The following ARHGAP32 variants were observed in gnomAD, a reference collection of about 807,000 sequenced individuals.
ARHGAP32 encodes rho GTPase-activating protein 32.
Under a neutral mutation model 186.5 loss-of-function variants are expected in ARHGAP32, and 51 were observed. That is an observed-to-expected ratio of 0.27 (90% confidence interval 0.22 to 0.35). ARHGAP32 has a LOEUF of 0.35. Ranked by LOEUF, ARHGAP32 falls within the 10% of genes least tolerant of loss-of-function variation. The probability of loss-of-function intolerance (pLI) is 1.00; values close to 1 mark genes in which losing one functional copy is unlikely to be tolerated. For missense variants in ARHGAP32, 2,186 were observed against 2,623.5 expected (o/e 0.83, Z 3.64); for synonymous variants, 950 against 964.3 (o/e 0.99, Z 0.27).
chr11:129,137,782 G>T (rs1942967119), intron 2 of ARHGAP32, among the ~76,000 whole-genome samples: 1 of 152,066 alleles, frequency 6.6e-6, no homozygotes, highest in African/African-American at 2.4e-5. Flanking sequence ...ACAGTCACAT[G>T]CAGATGATGT....
intron 9 of ARHGAP32, 148 bp from the exon 10 acceptor site, chr11:129,062,505 T>A (rs936330675): frequency 5.4e-6 from 3 of 560,164 alleles, no homozygotes; most frequent in Admixed American, 3.6e-5. Flanking sequence ...CATTTCTTTT[T>A]AAAAATCATT....
chr11:129,038,426 A>G lies in ARHGAP32; in HGVS notation c.1045+2502T>C, dbSNP rs183315801. 3.4e-3 allele frequency among the ~76,000 whole-genome samples: 515 copies of G among 152,164 alleles called. 4 individuals carry two copies. The highest frequency in any genetic ancestry group is 6.1e-3 in the Non-Finnish European group (417 of 68,022). On this transcript the variant is annotated intron_variant, in intron 11 of 22. Coordinates refer to ENST00000682385, the MANE Select transcript of ARHGAP32 (RefSeq NM_001378024.1). ...TGGGTTAGCCAAAGCCTTCTTAAAT[A>G]AGGAATCAAAAGCATAAATGACTAA...
chr11:129,203,815 T>C (rs939646744), intron 1 of ARHGAP32, among the ~76,000 whole-genome samples: 1 of 150,032 alleles, frequency 6.7e-6, no homozygotes, highest in African/African-American at 2.4e-5. Context: ...GGTGAGAGGC[T>C]TGAGCCCAGG....
At chr11:129,131,548 T>G (rs940951459) in intron 2 of ARHGAP32, among the ~76,000 whole-genome samples, 1 of 151,298 alleles carries the variant, frequency 6.6e-6, no homozygotes, top group African/African-American at 2.4e-5. Context: ...GTGGGCAAAG[T>G]CTCCAATAAA....
chr11:129,002,275 T>A (rs1214590223), intron 11 of ARHGAP32, among the ~76,000 whole-genome samples: 1 of 152,188 alleles, frequency 6.6e-6, no homozygotes, highest in Non-Finnish European at 1.5e-5. Context: ...ATTTCTTGCA[T>A]CAGTGTTTTA....
chr11:129,174,701 G>A (rs923992629), intron 1 of ARHGAP32, among the ~76,000 whole-genome samples: 25 of 152,142 alleles, frequency 1.6e-4, no homozygotes, highest in Admixed American at 9.2e-4. Context: ...TCACATGGCC[G>A]GGTACTCCCA....
chr11:128,979,316 GAAT>G (rs961369726), intron 18 of ARHGAP32, among the ~76,000 whole-genome samples: 1 of 152,142 alleles, frequency 6.6e-6, no homozygotes, highest in African/African-American at 2.4e-5. Context: ...CAAGGATTAA[GAAT>G]AATAACAAAC....
At chr11:129,101,443 A>G (rs898064882) in intron 5 of ARHGAP32, among the ~76,000 whole-genome samples, 5 of 152,220 alleles carry the variant, frequency 3.3e-5, no homozygotes, top group South Asian at 2.1e-4. Flanking sequence ...AATCCAAGGA[A>G]GCTAAAAAGC....
At chr11:129,006,290 T>C (rs1268572496) in intron 11 of ARHGAP32, among the ~76,000 whole-genome samples, 1 of 152,206 alleles carries the variant, frequency 6.6e-6, no homozygotes, top group East Asian at 1.9e-4. Flanking sequence ...TGGATGTTTG[T>C]CAGTGTCTGA....
chr11:129,017,410 G>A (rs566574648), intron 11 of ARHGAP32, among the ~76,000 whole-genome samples: 3 of 146,042 alleles, frequency 2.1e-5, no homozygotes, highest in South Asian at 4.3e-4. Flanking sequence ...TCGTGCCATT[G>A]CATTCCAGCC....
intron 2 of ARHGAP32, among the ~76,000 whole-genome samples, chr11:129,148,877 C>A (rs956934205): frequency 6.6e-6 from 1 of 152,100 alleles, no homozygotes; most frequent in Non-Finnish European, 1.5e-5. Context: ...ACCAAAAGCC[C>A]CTCTGGAACA....
At chr11:129,268,920 G>C (rs1945440598) in intron 1 of ARHGAP32, among the ~76,000 whole-genome samples, 1 of 152,130 alleles carries the variant, frequency 6.6e-6, no homozygotes, top group Non-Finnish European at 1.5e-5. Flanking sequence ...TAGAGATACA[G>C]CAGGAGCCTA....
Position 128,972,990 on chromosome 11 carries a change from A to G in ARHGAP32, c.3516T>C (p.Ser1172=). Residue 1172 remains serine, a synonymous_variant, in exon 22 of 23, where the codon TCT becomes TCC. Transcript: ENST00000682385. ...TAATTCTGGCCTTTTCTGGGTCCCC[A>G]GATAAATATGCTTGATGTGGCTGAT... The part of the protein sequence containing the change: ...TGNQPHQAYL[S]GDPEKARITS... 1.2e-6 allele frequency: 2 copies of G among 1,614,098 alleles called. No homozygotes were observed. Among genetic ancestry groups the G allele is most frequent in the South Asian group, 2.2e-5 (2 of 91,080 alleles).
intron 1 of ARHGAP32, among the ~76,000 whole-genome samples, chr11:129,274,636 C>G (rs1006858952): frequency 2.6e-5 from 4 of 151,984 alleles, no homozygotes; most frequent in African/African-American, 9.7e-5. Context: ...TGTTAATAAA[C>G]CAGCATTTGA....
chr11:129,191,995 A>C, intron 1 of ARHGAP32, 88 bp downstream of exon 1: 1 of 1,012,198 alleles, frequency 9.9e-7, no homozygotes. Context: ...GTCTTATTGG[A>C]AAAAAGACCG....
In ARHGAP32 at chr11:129,073,238, G is replaced by A. The variant is rs577677514; in HGVS notation, c.532-6370C>T. On this transcript the variant is annotated intron_variant, in intron 6 of 22. Transcript: ENST00000682385. ...CGTGAACTAAAAGGAAAAAAACACC[G>A]TTTAAAAAGACTGAAGACACATCAG... is the stretch of plus-strand genomic sequence containing the variant. Among the ~76,000 whole-genome samples, 42 of 152,216 alleles carry A rather than the reference G, an allele frequency of 2.8e-4. No homozygotes were observed. The South Asian group carries it at 4.1e-3, about 15-fold the overall frequency.
intron 2 of ARHGAP32, among the ~76,000 whole-genome samples, chr11:129,129,653 A>T (rs1160803779): frequency 6.6e-6 from 1 of 152,232 alleles, no homozygotes; most frequent in Non-Finnish European, 1.5e-5. Flanking sequence ...TGTAGAAAGA[A>T]GTAGACATGG....
chr11:129,267,532 A>C (rs543850630), intron 1 of ARHGAP32, among the ~76,000 whole-genome samples: 2 of 136,404 alleles, frequency 1.5e-5, no homozygotes, highest in Non-Finnish European at 3.3e-5. Context: ...ACCCCGTCTC[A>C]AAAACAAAAC....
intron 10 of ARHGAP32, among the ~76,000 whole-genome samples, chr11:129,058,438 A>G (rs1238463674): frequency 6.6e-6 from 1 of 152,220 alleles, no homozygotes; most frequent in Middle Eastern, 3.2e-3. Flanking sequence ...ATCTTCTTAT[A>G]AAGAACATGT....
Sources: allele counts gnomAD v4.1 joint callset (sites outside exome capture counted in the v4.1 genomes callset), GRCh38; gene constraint gnomAD v4.1.1; transcripts MANE v1.5; gene names NCBI Gene and HGNC (gene_info 2026-07-23, HGNC 2026-07-21).